Variants in TJP3 observed in about 807,000 individuals in gnomAD.
TJP3 encodes the protein tight junction protein ZO-3.
In TJP3, 85 loss-of-function variants were observed where a neutral mutation model predicts 104.2. The observed-to-expected ratio is 0.82, with a 90% CI of 0.68 to 0.98. The LOEUF (loss-of-function observed/expected upper bound fraction) is 0.98. Among genes scored for constraint, TJP3 ranks in the 50% least tolerant of loss-of-function variants. The pLI, the probability that TJP3 is intolerant of heterozygous loss-of-function variation, is 0.00. For synonymous variants in TJP3, 550 were observed against 550.6 expected (o/e 1.00, Z 0.02); for missense variants, 1,367 against 1,322.8 (o/e 1.03, Z -0.52).
chr19:3,727,326 C>CA (rs1264851975), intron 1 of TJP3, among the ~76,000 whole-genome samples: 2 of 146,806 alleles, frequency 1.4e-5, no homozygotes, highest in South Asian at 2.2e-4. Flanking sequence ...ACTAAAAATT[C>CA]AAAAAAATTA....
At chr19:3,726,951 G>A (rs561974933) in intron 1 of TJP3, among the ~76,000 whole-genome samples, 9 of 151,910 alleles carry the variant, frequency 5.9e-5, no homozygotes, top group South Asian at 2.1e-4. Flanking sequence ...GCCGGGCATC[G>A]TGATGTGTGC....
At chr19:3,733,957 G>T (rs755352625) in intron 7 of TJP3, 45 bp downstream of exon 7, 1 of 1,593,742 alleles carries the variant, frequency 6.3e-7, no homozygotes, top group Admixed American at 1.8e-5. Flanking sequence ...TGAATGGATG[G>T]CAGGGAAGGT....
chr19:3,729,977 G>A (rs750436667), intron 3 of TJP3, 51 bp from the exon 4 acceptor site: 7 of 1,520,408 alleles, frequency 4.6e-6, no homozygotes, highest in Non-Finnish European at 6.4e-6. Context: ...GGCTTGTTAC[G>A]AGGGTCTCCC....
At chr19:3,712,290 C>T (rs1190128279) in intron 1 of TJP3, among the ~76,000 whole-genome samples, 3 of 151,978 alleles carry the variant, frequency 2.0e-5, no homozygotes, top group East Asian at 1.9e-4. Flanking sequence ...CACTCCAGCC[C>T]CAGAGACAGA....
chr19:3,746,527 C>T lies in TJP3; in HGVS notation c.2053C>T (p.Arg685Cys), dbSNP rs142262857. 3.0e-5 allele frequency: 48 copies of T among 1,613,954 alleles called. No individual in the cohort carries two copies. Among genetic ancestry groups the T allele is most frequent in the East Asian group, 1.1e-4 (5 of 44,894 alleles). Residue 685 changes from arginine (R) to cysteine (C), a missense_variant, in exon 17 of 21, where the codon CGC becomes TGC. Coordinates refer to ENST00000541714, the MANE Select transcript of TJP3 (RefSeq NM_001267560.2). The surrounding 1 kb of genome is among the most constrained non-coding windows in gnomAD (Gnocchi z 4.1). ...LLDVTPSAIE[R>C]LNYVQYYPIV... ...GGATGTGACCCCCTCCGCCATCGAG[C>T]GCCTCAACTATGTGCAGTACTACCC...
intron 1 of TJP3, among the ~76,000 whole-genome samples, chr19:3,717,209 C>T (rs944335494): frequency 3.4e-5 from 5 of 146,014 alleles, no homozygotes; most frequent in African/African-American, 9.8e-5. Context: ...AGGTGATCCG[C>T]CCGCCTCGAC....
chr19:3,720,586 C>T (rs2036531905), intron 1 of TJP3, among the ~76,000 whole-genome samples: 1 of 151,792 alleles, frequency 6.6e-6, no homozygotes, highest in Non-Finnish European at 1.5e-5. Context: ...CCCTTTTAAC[C>T]TTGGGGTGGG....
rs180811367 is a variant in TJP3 at position 3,728,826 on chromosome 19, G to A, written c.158+113G>A. The A allele has an allele frequency of 4.4e-6, 5 of 1,139,254 alleles. No individual in the cohort carries two copies. The Admixed American group carries it at 1.1e-4, about 24-fold the overall frequency. The allele number at this position is 1,139,254 out of a possible 1,614,324, so 70.6% of individuals were successfully genotyped here. ...CCAGCACTTTGCGAGGCTGAAGTGG[G>A]CGGATCACCTGAGTTCAGGAGTTTG... On this transcript the variant is annotated intron_variant, in intron 3 of 20. Coordinates refer to ENST00000541714, the MANE Select transcript of TJP3 (RefSeq NM_001267560.2).
At chr19:3,715,609 C>T (rs368843503) in intron 1 of TJP3, among the ~76,000 whole-genome samples, 2 of 152,066 alleles carry the variant, frequency 1.3e-5, no homozygotes, top group East Asian at 3.9e-4. Flanking sequence ...CCAGCTTCCT[C>T]TCTTAGAGGG....
intron 1 of TJP3, chr19:3,721,651 G>C (rs2036542880): frequency 3.0e-6 from 1 of 329,162 alleles, no homozygotes; most frequent in Non-Finnish European, 5.5e-6. Flanking sequence ...GGGAGGTGGG[G>C]AGAGAAACCT....
At chr19:3,748,501 C>T (rs1482889294) in intron 19 of TJP3, among the ~76,000 whole-genome samples, 1 of 151,012 alleles carries the variant, frequency 6.6e-6, no homozygotes, top group African/African-American at 2.4e-5. Flanking sequence ...AACTCCTGAC[C>T]TTGTAATCCA....
At chr19:3,714,327 G>T (rs956808723) in intron 1 of TJP3, among the ~76,000 whole-genome samples, 5 of 151,412 alleles carry the variant, frequency 3.3e-5, no homozygotes, top group African/African-American at 1.2e-4. Context: ...TTACAGGCAC[G>T]TGCCACTACG....
intron 15 of TJP3, among the ~76,000 whole-genome samples, chr19:3,745,635 G>A (rs973432869): frequency 3.9e-5 from 6 of 152,160 alleles, no homozygotes; most frequent in African/African-American, 1.2e-4. Context: ...CTGTGGGGTC[G>A]TAGCCTGAGC....
rs1342404691 is a variant in TJP3 at position 3,728,656 on chromosome 19, G to A, written c.101G>A (p.Gly34Asp). The change falls in exon 3 of 21, where the codon GGT becomes GAT. Residue 34 changes from glycine to aspartate, a missense_variant. By Grantham distance (94) the Gly-to-Asp change is moderately conservative (BLOSUM62 -1). Coordinates refer to ENST00000541714, the MANE Select transcript of TJP3 (RefSeq NM_001267560.2). Reference sequence around the variant, plus strand: ...ATCTCTGGAGGCCGAGACCGGCCCGGTGGATCCATGGTTGTATCTGACGTG... The same window carrying A: ...ATCTCTGGAGGCCGAGACCGGCCCGATGGATCCATGGTTGTATCTGACGTG... ...IAISGGRDRP[G>D]GSMVVSDVVP... 6.2e-7 allele frequency: 1 copy of A among 1,613,672 alleles called. No individual in the cohort carries two copies. Among genetic ancestry groups the A allele is most frequent in the Admixed American group, 1.7e-5 (1 of 59,976 alleles).
chr19:3,723,452 G>C (rs773231373), intron 1 of TJP3, among the ~76,000 whole-genome samples: 6 of 152,062 alleles, frequency 3.9e-5, no homozygotes, highest in Non-Finnish European at 8.8e-5. Context: ...CATACTAACC[G>C]ATGGTTAAAG....
intron 1 of TJP3, among the ~76,000 whole-genome samples, chr19:3,725,889 C>T (rs775098083): frequency 3.3e-5 from 5 of 152,198 alleles, no homozygotes; most frequent in Non-Finnish European, 5.9e-5. Flanking sequence ...ATAGCTAGCA[C>T]GGGTGGGCAG....
At chr19:3,747,041 G>A (rs2054792316) in intron 18 of TJP3, among the ~76,000 whole-genome samples, 165 bp downstream of exon 18, 1 of 152,046 alleles carries the variant, frequency 6.6e-6, no homozygotes, top group Non-Finnish European at 1.5e-5. Flanking sequence ...TGGAACTTGG[G>A]TGAGATGAGA....
At chr19:3,723,161 C>T (rs1199219690) in intron 1 of TJP3, among the ~76,000 whole-genome samples, 1 of 152,214 alleles carries the variant, frequency 6.6e-6, no homozygotes, top group East Asian at 1.9e-4. Context: ...GGGCCCATCC[C>T]TGCCCATCGG....
chr19:3,718,046 T>C (rs1037388799), intron 1 of TJP3, among the ~76,000 whole-genome samples: 1 of 151,814 alleles, frequency 6.6e-6, no homozygotes, highest in East Asian at 2.0e-4. Context: ...AAACCCCATC[T>C]CTACTAAAAG....
Sources: allele counts gnomAD v4.1 joint callset (sites outside exome capture counted in the v4.1 genomes callset), GRCh38; gene constraint gnomAD v4.1.1; non-coding constraint Gnocchi (gnomAD v3.1); transcripts MANE v1.5; gene names NCBI Gene and HGNC (gene_info 2026-07-23, HGNC 2026-07-21).